Variants in MCC observed in about 807,000 individuals in gnomAD.
MCC encodes the protein colorectal mutant cancer protein.
In MCC, 90 loss-of-function variants were observed where a neutral mutation model predicts 116.2. That is an observed-to-expected ratio of 0.77 (90% CI 0.65 to 0.92). The LOEUF is 0.92. Ranked by LOEUF, MCC falls within the 40% of genes least tolerant of loss-of-function variation. The pLI, the probability that MCC is intolerant of heterozygous loss-of-function variation, is 0.00. For synonymous variants in MCC, 578 were observed against 510.5 expected (o/e 1.13, Z -1.78); for missense variants, 1,516 against 1,312.2 (o/e 1.16, Z -2.40).
chr5:113,377,232 T>C (rs17135586), intron 2 of MCC, among the ~76,000 whole-genome samples: 4,912 of 152,218 alleles, frequency 0.032, 109 homozygotes, highest in East Asian at 0.076. Context: ...GTTTGCTGCT[T>C]GTCACCAAAA....
intron 13 of MCC, 129 bp downstream of exon 13, chr5:113,067,951 A>C: frequency 1.4e-6 from 1 of 735,088 alleles, no homozygotes; most frequent in Non-Finnish European, 2.4e-6. Flanking sequence ...ATGAGGAAAA[A>C]CGAAAAACAC....
chr5:113,236,796 C>T (rs936872660), intron 3 of MCC, among the ~76,000 whole-genome samples: 1 of 152,068 alleles, frequency 6.6e-6, no homozygotes, highest in Non-Finnish European at 1.5e-5. Context: ...TCAAACTGAT[C>T]GGATGTTTGT....
At chr5:113,331,125 GC>G (rs1445431505) in intron 3 of MCC, among the ~76,000 whole-genome samples, 4 of 152,234 alleles carry the variant, frequency 2.6e-5, no homozygotes, top group Non-Finnish European at 5.9e-5. Flanking sequence ...CCCCTTAGAT[GC>G]TGAACTGTGG....
intron 4 of MCC, among the ~76,000 whole-genome samples, chr5:113,149,131 A>T (rs1444586488): frequency 6.6e-6 from 1 of 152,188 alleles, no homozygotes; most frequent in African/African-American, 2.4e-5. Flanking sequence ...ACAAATTCTC[A>T]TCAATAAGAA....
At position 113,411,976 on chromosome 5, in the gene MCC, A is replaced by G. The variant is rs377195422; in HGVS notation, c.171-26764T>C. Among the ~76,000 whole-genome samples the G allele has an allele frequency of 2.2e-4, 34 of 152,350 alleles. No homozygotes were observed. In the South Asian group the frequency reaches 7.0e-3, roughly 32 times the overall value. On this transcript the variant is annotated intron_variant, in intron 1 of 18. Coordinates refer to ENST00000408903, the MANE Select transcript of MCC (RefSeq NM_001085377.2). ...AGGTGTAAGGAAGGGATCCAGTTTC[A>G]GCTTTCTACATATGGCTAGCCAGTT...
intron 4 of MCC, among the ~76,000 whole-genome samples, chr5:113,144,566 G>A (rs1047215554): frequency 2.0e-5 from 3 of 152,066 alleles, no homozygotes; most frequent in African/African-American, 7.2e-5. Context: ...CATAACCCAG[G>A]GCAGGGACAA....
rs969226529 is a variant in MCC, at chr5:113,487,743, T to C, written c.170+502A>G. 7.2e-5 allele frequency among the ~76,000 whole-genome samples: 11 copies of C among 152,370 alleles called. No homozygotes were observed. The East Asian group carries it at 2.1e-3, about 29-fold the overall frequency. ...TCTGAAGTTTGGAATTCATGGGTTC[T>C]GCGGCACAAGAAAGTTTCTTCACAG... On this transcript the variant is annotated intron_variant, in intron 1 of 18. Transcript: ENST00000408903.
chr5:113,053,634 G>C, intron 15 of MCC, 91 bp downstream of exon 15: 1 of 876,438 alleles, frequency 1.1e-6, no homozygotes, highest in South Asian at 1.6e-5. Flanking sequence ...AGGAGGGGTT[G>C]ATTCCTCCTT....
At chr5:113,133,284 C>T (rs1758577952) in intron 5 of MCC, among the ~76,000 whole-genome samples, 3 of 152,024 alleles carry the variant, frequency 2.0e-5, no homozygotes. Context: ...TCTCTTCATC[C>T]CCCTCTCCTC....
intron 3 of MCC, among the ~76,000 whole-genome samples, chr5:113,326,781 A>C (rs1581401204): frequency 6.6e-6 from 1 of 152,242 alleles, no homozygotes; most frequent in Non-Finnish European, 1.5e-5. Flanking sequence ...GTTAAACATA[A>C]AATGGCTGAA....
intron 3 of MCC, among the ~76,000 whole-genome samples, chr5:113,257,162 G>C (rs934065513): frequency 3.3e-5 from 5 of 152,090 alleles, no homozygotes; most frequent in African/African-American, 1.2e-4. Flanking sequence ...GGGGCTAAGC[G>C]TGTTCATTTT....
intron 1 of MCC, among the ~76,000 whole-genome samples, chr5:113,391,705 C>T (rs1037231695): frequency 1.1e-4 from 16 of 148,866 alleles, no homozygotes; most frequent in Non-Finnish European, 1.6e-4. Context: ...GGTAACACAG[C>T]GAGACCTTGT....
intron 2 of MCC, 21 bp from the exon 3 acceptor site, chr5:113,340,751 G>A (rs997855620): frequency 1.2e-6 from 2 of 1,603,746 alleles, no homozygotes; most frequent in Admixed American, 1.7e-5. Flanking sequence ...GAGAAGCAGA[G>A]AAAATGAAAA....
chr5:113,236,309 A>G (rs997457232), intron 3 of MCC, among the ~76,000 whole-genome samples: 1 of 152,198 alleles, frequency 6.6e-6, no homozygotes, highest in African/African-American at 2.4e-5. Context: ...GACACCAATA[A>G]TCTGGAATGC....
chr5:113,223,150 G>A (rs1333291435), intron 3 of MCC, among the ~76,000 whole-genome samples: 1 of 152,188 alleles, frequency 6.6e-6, no homozygotes, highest in Non-Finnish European at 1.5e-5. Context: ...GATACAGGGA[G>A]TGCAAGAAGA....
In MCC at chr5:113,283,243, G is replaced by A. The variant is rs530004674; in HGVS notation, c.627+57276C>T. Among the ~76,000 whole-genome samples the A allele has an allele frequency of 2.0e-5, 3 of 152,288 alleles. No individual in the cohort carries two copies. The East Asian group carries it at 5.8e-4, about 29-fold the overall frequency. ...GAGTACTGTGCAAAGCCCCAATATGGAGAAAATAAAAAATGGACAAAGGAG... is the reference window on the plus strand; with the variant it reads ...GAGTACTGTGCAAAGCCCCAATATGAAGAAAATAAAAAATGGACAAAGGAG... On this transcript the variant is annotated intron_variant, in intron 3 of 18. Coordinates refer to ENST00000408903, the MANE Select transcript of MCC (RefSeq NM_001085377.2).
Position 113,204,122 on chromosome 5 carries a change from A to G in MCC, c.628-52700T>C, listed in dbSNP as rs1158906333. On this transcript the variant is annotated intron_variant, in intron 3 of 18. Transcript: ENST00000408903. Reference sequence around the variant, plus strand: ...AAAGCCTACAAACACGGTCAAGGAGATGACTGGGAGTAACTACATCTGTGC... The same window carrying G: ...AAAGCCTACAAACACGGTCAAGGAGGTGACTGGGAGTAACTACATCTGTGC... 7.9e-5 allele frequency among the ~76,000 whole-genome samples: 12 copies of G among 152,196 alleles called. 1 individual carries two copies. Among genetic ancestry groups the G allele is most frequent in the Non-Finnish European group, 1.8e-4 (12 of 68,036 alleles).
chr5:113,319,291 G>C (rs1159211998), intron 3 of MCC, among the ~76,000 whole-genome samples: 1 of 152,220 alleles, frequency 6.6e-6, no homozygotes, highest in Non-Finnish European at 1.5e-5. Flanking sequence ...CCTGGGGCCG[G>C]CCTTTTCCTT....
rs888565087 is a variant in MCC, at chr5:113,434,543, G to A, written c.171-49331C>T. 6.2e-6 allele frequency: 10 copies of A among 1,613,028 alleles called. No homozygotes were observed. The highest frequency in any genetic ancestry group is 2.2e-5 in the East Asian group (1 of 44,840). ...GGGCTCCCCGGGTTTTGATTAACTC[G>A]AGGAGGTCGCCCTGGACCGCGAGCT... On this transcript the variant is annotated intron_variant, in intron 1 of 18. Coordinates refer to ENST00000408903, the MANE Select transcript of MCC (RefSeq NM_001085377.2). This position sits in a 1 kb window ranked among gnomAD's most constrained non-coding sequence, Gnocchi z 4.2.
Sources: allele counts gnomAD v4.1 joint callset (sites outside exome capture counted in the v4.1 genomes callset), GRCh38; gene constraint gnomAD v4.1.1; non-coding constraint Gnocchi (gnomAD v3.1); transcripts MANE v1.5; gene names NCBI Gene and HGNC (gene_info 2026-07-23, HGNC 2026-07-21).